The following PDE1C variants were observed in gnomAD, a reference collection of about 807,000 sequenced individuals.
PDE1C encodes the protein phosphodiesterase 1C, also known as dual specificity calcium/calmodulin-dependent 3',5'-cyclic nucleotide phosphodiesterase 1C.
PDE1C carries 62 observed loss-of-function variants against 93.1 expected under a neutral mutation model. The ratio of observed to expected loss-of-function variants is 0.67; its 90% confidence interval spans 0.54 to 0.82. The LOEUF (loss-of-function observed/expected upper bound fraction) is 0.82. PDE1C is among the 40% of genes least tolerant of loss of function. The pLI, the probability that PDE1C is intolerant of heterozygous loss-of-function variation, is 0.00. For missense variants in PDE1C, 742 were observed against 884.6 expected, an observed-to-expected ratio of 0.84 and a Z score of 2.04; for synonymous variants, 325 against 310.1, an observed-to-expected ratio of 1.05 and a Z score of -0.50.
At chr7:31,803,618 A>G (rs970274656) in intron 16 of PDE1C, among the ~76,000 whole-genome samples, 5 of 151,778 alleles carry the variant, frequency 3.3e-5, no homozygotes, top group South Asian at 2.1e-4. Flanking sequence ...TCATTGTTCA[A>G]TTCCCACCTA....
chr7:32,419,029 A>G (rs1177536532), intron 1 of PDE1C, among the ~76,000 whole-genome samples: 2 of 152,228 alleles, frequency 1.3e-5, no homozygotes, highest in African/African-American at 4.8e-5. Flanking sequence ...AAGGGAGCCC[A>G]GTACTCTGAC....
chr7:32,131,519 T>C (rs981266176), intron 3 of PDE1C, among the ~76,000 whole-genome samples: 4 of 152,122 alleles, frequency 2.6e-5, no homozygotes, highest in Non-Finnish European at 5.9e-5. Flanking sequence ...AATGAATCAG[T>C]GACCCTTAGA....
At chr7:31,994,198 A>G (rs950728727) in intron 2 of PDE1C, among the ~76,000 whole-genome samples, 1 of 152,158 alleles carries the variant, frequency 6.6e-6, no homozygotes, top group African/African-American at 2.4e-5. Flanking sequence ...TGCTATATCT[A>G]ATTTTATTTT....
rs148031299 is a variant in PDE1C, at chr7:32,254,082, A to G, written c.86-44543T>C. ...AAGGGTCTCATGCACCACTGAAACA[A>G]TGAAATGAGGCGATACGGGGCGTAT... is the stretch of plus-strand genomic sequence containing the variant. On this transcript the variant is annotated intron_variant, in intron 1 of 18. Transcript: ENST00000396193. 7.9e-5 allele frequency among the ~76,000 whole-genome samples: 12 copies of G among 152,268 alleles called. 1 individual carries two copies. Among genetic ancestry groups the G allele is most frequent in the Admixed American group, 2.6e-4 (4 of 15,296 alleles).
intron 1 of PDE1C, among the ~76,000 whole-genome samples, chr7:32,250,042 C>T (rs1199987609): frequency 6.6e-6 from 1 of 152,216 alleles, no homozygotes; most frequent in African/African-American, 2.4e-5. Context: ...CAGGCTGCCA[C>T]TCCACCATAT....
chr7:31,631,520 T>G, the PDE1C span, among the ~76,000 whole-genome samples: 1 of 152,330 alleles, frequency 6.6e-6, no homozygotes, highest in African/African-American at 2.4e-5. Context: ...CAAATTTTCT[T>G]TACCACCTTG....
At chr7:31,651,331 A>T in the PDE1C span, 2 of 1,579,428 alleles carry the variant, frequency 1.3e-6, no homozygotes, top group Admixed American at 3.5e-5. Flanking sequence ...CAAGGAAGAT[A>T]ATCAGGGCAG....
intron 15 of PDE1C, among the ~76,000 whole-genome samples, chr7:31,815,467 C>T (rs1375261557): frequency 6.6e-6 from 1 of 152,144 alleles, no homozygotes; most frequent in Non-Finnish European, 1.5e-5. Context: ...TAAACTGAAA[C>T]AGCTGGTCCC....
chr7:31,682,136 C>T, the PDE1C span, among the ~76,000 whole-genome samples: 2 of 152,164 alleles, frequency 1.3e-5, no homozygotes, highest in Admixed American at 6.5e-5. Flanking sequence ...ATAGTACCTA[C>T]CTCATAGGAT....
At chr7:32,093,092 A>G (rs1481507261) in intron 3 of PDE1C, among the ~76,000 whole-genome samples, 1 of 152,234 alleles carries the variant, frequency 6.6e-6, no homozygotes, top group Non-Finnish European at 1.5e-5. Context: ...CGATCACCCT[A>G]TCTGTCTCAT....
chr7:31,975,761 G>T (rs774957704), intron 2 of PDE1C, among the ~76,000 whole-genome samples: 8 of 152,154 alleles, frequency 5.3e-5, no homozygotes, highest in Admixed American at 1.3e-4. Context: ...GAATCTTCAA[G>T]ATTAGCCACG....
At chr7:32,112,834 GTGTGTGTGTGTGTATATA>G (rs1311768088) in intron 3 of PDE1C, among the ~76,000 whole-genome samples, 3 of 58,098 alleles carry the variant, frequency 5.2e-5, no homozygotes, top group African/African-American at 1.9e-4. Flanking sequence ...GTGTGTGTGT[GTGTGTGTGTGTGTATATA>G]TATATATATA....
At chr7:32,065,654 C>T (rs1009541711) in intron 1 of PDE1C, among the ~76,000 whole-genome samples, 2 of 152,114 alleles carry the variant, frequency 1.3e-5, no homozygotes, top group South Asian at 4.2e-4. Context: ...ATTGAGTAAT[C>T]CCATGTTGCC....
intron 2 of PDE1C, among the ~76,000 whole-genome samples, chr7:32,019,845 G>A (rs1464785790): frequency 1.3e-5 from 2 of 152,080 alleles, no homozygotes; most frequent in African/African-American, 4.8e-5. Flanking sequence ...CAGCAAACCT[G>A]GAATAAAAAG....
the PDE1C span, chr7:31,695,642 C>T: frequency 5.6e-6 from 9 of 1,603,946 alleles, no homozygotes; most frequent in African/African-American, 1.1e-4. Flanking sequence ...AAGTCATCTG[C>T]ACAGCTGTAA....
At position 31,811,878 on chromosome 7, in the gene PDE1C, C is replaced by T. The variant is rs182321091; in HGVS notation, c.1814-2770G>A. Among the ~76,000 whole-genome samples the T allele has an allele frequency of 4.6e-5, 7 of 152,244 alleles. No homozygotes were observed. In the East Asian group the frequency reaches 1.4e-3, roughly 30 times the overall value. On this transcript the variant is annotated intron_variant, in intron 15 of 17. Coordinates refer to ENST00000396191, the MANE Select transcript of PDE1C (RefSeq NM_001191057.4). ...GTGGGTGCCCAAACCTTGAAAACCC[C>T]TCCTTCACCAACAACCTTCAGCTCT...
intron 1 of PDE1C, among the ~76,000 whole-genome samples, chr7:32,225,785 C>A (rs980028996): frequency 6.6e-6 from 1 of 152,194 alleles, no homozygotes. Flanking sequence ...CTAGGCCGGG[C>A]ACGGTGGTTC....
At chr7:31,799,856 A>T (rs1357880224) in intron 16 of PDE1C, among the ~76,000 whole-genome samples, 1 of 151,732 alleles carries the variant, frequency 6.6e-6, no homozygotes, top group Admixed American at 6.6e-5. Context: ...GGTTGTAAGA[A>T]ATACAATTTC....
chr7:31,953,079 G>T (rs1807627653), intron 2 of PDE1C, among the ~76,000 whole-genome samples: 1 of 152,064 alleles, frequency 6.6e-6, no homozygotes, highest in East Asian at 1.9e-4. Flanking sequence ...TCATGTTGTT[G>T]GGTTGATAAT....
Sources: allele counts gnomAD v4.1 joint callset (sites outside exome capture counted in the v4.1 genomes callset), GRCh38; gene constraint gnomAD v4.1.1; transcripts MANE v1.5; gene names NCBI Gene and HGNC (gene_info 2026-07-23, HGNC 2026-07-21).